NEDD4L: variants seen among roughly 807,000 people sequenced by gnomAD.
The protein encoded by NEDD4L is E3 ubiquitin-protein ligase NEDD4-like.
A neutral mutation model predicts 148.9 loss-of-function variants in NEDD4L; 54 were observed. That is an observed-to-expected ratio of 0.36 (90% CI 0.29 to 0.45). NEDD4L has a LOEUF of 0.45. NEDD4L is among the 20% of genes least tolerant of loss of function. The pLI is 1.00. For synonymous variants in NEDD4L, 433 were observed against 440.7 expected, an observed-to-expected ratio of 0.98 and a Z score of 0.22; for missense variants, 856 against 1,233.8, an observed-to-expected ratio of 0.69 and a Z score of 4.59.
intron 24 of NEDD4L, among the ~76,000 whole-genome samples, 188 bp from the exon 25 acceptor site, chr18:58,383,058 G>C (rs1178179100): frequency 2.0e-5 from 3 of 152,168 alleles, no homozygotes; most frequent in African/African-American, 7.2e-5. Flanking sequence ...TTTAATGATA[G>C]CATCTTTAAC....
intron 5 of NEDD4L, among the ~76,000 whole-genome samples, chr18:58,285,332 T>G (rs1316192170): frequency 6.6e-6 from 1 of 151,866 alleles, no homozygotes; most frequent in Admixed American, 6.6e-5. Flanking sequence ...TGTGGGTGTG[T>G]GTGTGTGTGT....
chr18:58,077,106 C>T (rs1419081517), intron 1 of NEDD4L, among the ~76,000 whole-genome samples: 1 of 151,050 alleles, frequency 6.6e-6, no homozygotes, highest in East Asian at 1.9e-4. Flanking sequence ...CCGCCTCAGC[C>T]TCCCAAAGTG....
rs185052125 is a variant in NEDD4L at position 58,307,165 on chromosome 18, C to T, written c.298-8817C>T. Among the ~76,000 whole-genome samples, 7 of 152,180 alleles carry T rather than the reference C, an allele frequency of 4.6e-5. No individual in the cohort carries two copies. In the East Asian group the frequency reaches 7.7e-4, roughly 17 times the overall value. On this transcript the variant is annotated intron_variant, in intron 5 of 30. Coordinates refer to ENST00000400345, the MANE Select transcript of NEDD4L (RefSeq NM_001144967.3). ...ATGGCTCCCCGGGAGAGCCTCTGAC[C>T]GACCCGCACACTGGGAGGAGTGCGC...
intron 1 of NEDD4L, among the ~76,000 whole-genome samples, chr18:58,133,893 C>T (rs963454379): frequency 5.9e-5 from 9 of 152,158 alleles, no homozygotes; most frequent in African/African-American, 2.2e-4. Context: ...AGTATGAGCT[C>T]GCTTCATCCT....
chr18:58,352,484 G>A (rs1279898414), intron 18 of NEDD4L, among the ~76,000 whole-genome samples: 7 of 151,932 alleles, frequency 4.6e-5, no homozygotes, highest in South Asian at 4.2e-4. Flanking sequence ...ATGAAACCCC[G>A]TCTCTACTAA....
intron 2 of NEDD4L, among the ~76,000 whole-genome samples, chr18:58,183,951 T>C (rs1008518791): frequency 1.6e-4 from 24 of 152,130 alleles, no homozygotes; most frequent in Middle Eastern, 3.4e-3. Flanking sequence ...GGGCGGATCA[T>C]GAGGTCAGGA....
At chr18:58,243,505 G>A (rs776199840) in intron 2 of NEDD4L, among the ~76,000 whole-genome samples, 4 of 152,166 alleles carry the variant, frequency 2.6e-5, no homozygotes, top group Non-Finnish European at 4.4e-5. Context: ...GTTCTACCCC[G>A]GATTGAATTC....
At chr18:58,343,240 T>G in intron 16 of NEDD4L, 137 bp downstream of exon 16, 1 of 367,894 alleles carries the variant, frequency 2.7e-6, no homozygotes, top group Non-Finnish European at 4.6e-6. Context: ...CTCCTCAGCC[T>G]GCATCTGGCC....
At chr18:58,291,574 G>T (rs1338095469) in intron 5 of NEDD4L, among the ~76,000 whole-genome samples, 1 of 152,160 alleles carries the variant, frequency 6.6e-6, no homozygotes, top group South Asian at 2.1e-4. Context: ...TTCCCCCATT[G>T]TACCAATTGC....
At chr18:58,220,365 C>A (rs1413173910) in intron 2 of NEDD4L, among the ~76,000 whole-genome samples, 6 of 151,856 alleles carry the variant, frequency 4.0e-5, no homozygotes, top group Non-Finnish European at 7.4e-5. Flanking sequence ...CGTGCCACTG[C>A]ACTCCAGCCT....
At chr18:58,217,663 CT>C (rs1047187490) in intron 2 of NEDD4L, among the ~76,000 whole-genome samples, 2 of 151,898 alleles carry the variant, frequency 1.3e-5, no homozygotes, top group Non-Finnish European at 2.9e-5. Flanking sequence ...TTTTAAATAA[CT>C]TTTTTTTCCG....
At chr18:58,044,733 G>A (rs748508638) in intron 1 of NEDD4L, 25 bp downstream of exon 1, 1 of 1,601,436 alleles carries the variant, frequency 6.2e-7, no homozygotes. Context: ...CTTCCTGCTC[G>A]GGACTCCCCG....
chr18:58,219,571 C>T (rs2056398530), intron 2 of NEDD4L, among the ~76,000 whole-genome samples: 3 of 147,736 alleles, frequency 2.0e-5, no homozygotes, highest in South Asian at 2.3e-4. Flanking sequence ...GCTTCTTCTG[C>T]GGCCTCTCTT....
chr18:58,218,031 A>G (rs2147868369), intron 2 of NEDD4L, among the ~76,000 whole-genome samples: 1 of 152,362 alleles, frequency 6.6e-6, no homozygotes, highest in South Asian at 2.1e-4. Flanking sequence ...AAACAAAAGC[A>G]AACAAAATAC....
At chr18:58,145,536 C>G (rs1267726976) in intron 1 of NEDD4L, among the ~76,000 whole-genome samples, 1 of 152,090 alleles carries the variant, frequency 6.6e-6, no homozygotes, top group Non-Finnish European at 1.5e-5. Flanking sequence ...TAGTACTTTA[C>G]CCTAGCTGAT....
At chr18:58,371,219 T>TTTC (rs2046829466) in intron 23 of NEDD4L, among the ~76,000 whole-genome samples, 1 of 147,538 alleles carries the variant, frequency 6.8e-6, no homozygotes, top group Non-Finnish European at 1.5e-5. Context: ...TTTTTTTTTT[T>TTTC]TTTTTTTTGT....
intron 2 of NEDD4L, chr18:58,195,665 C>T (rs1487894172): frequency 7.4e-7 from 1 of 1,351,946 alleles, no homozygotes; most frequent in South Asian, 1.1e-5. Context: ...GGGAAACAGA[C>T]CATCTGCATC....
At chr18:58,132,611 A>T (rs576703222) in intron 1 of NEDD4L, among the ~76,000 whole-genome samples, 1 of 152,338 alleles carries the variant, frequency 6.6e-6, no homozygotes, top group South Asian at 2.1e-4. Context: ...ATAATAGGAC[A>T]TAGAGTTGCC....
chr18:58,325,202 C>G (rs1391973273), intron 9 of NEDD4L, 40 bp downstream of exon 9: 1 of 1,608,386 alleles, frequency 6.2e-7, no homozygotes, highest in African/African-American at 1.3e-5. Context: ...TGCACGTGCA[C>G]TGCACAGCTA....
Sources: gnomAD v4.1 joint callset for allele counts (sites outside exome capture counted in the v4.1 genomes callset) on GRCh38, gnomAD v4.1.1 for gene constraint, MANE v1.5 for transcripts, NCBI Gene and HGNC (gene_info 2026-07-23, HGNC 2026-07-21) for gene names.